Variants in SLC10A7 observed in about 807,000 individuals in gnomAD.
SLC10A7 encodes solute carrier family 10 member 7, also known as sodium/bile acid cotransporter 7.
In SLC10A7, 29 loss-of-function variants were observed where a neutral mutation model predicts 43.2. The observed-to-expected ratio is 0.67, with a 90% confidence interval of 0.50 to 0.92. SLC10A7 has a LOEUF of 0.92. SLC10A7 is among the 40% of genes least tolerant of loss of function. The probability of loss-of-function intolerance (pLI) is 0.00; values close to 1 mark genes in which losing one functional copy is unlikely to be tolerated. For missense variants in SLC10A7, 295 were observed against 403.2 expected (o/e 0.73, Z 2.30); for synonymous variants, 152 against 144.8 (o/e 1.05, Z -0.35).
At chr4:146,488,429 T>A (rs1457487370) in intron 4 of SLC10A7, among the ~76,000 whole-genome samples, 1 of 152,176 alleles carries the variant, frequency 6.6e-6, no homozygotes, top group African/African-American at 2.4e-5. Flanking sequence ...TCTTCTAATG[T>A]GCAAATCATT....
intron 2 of SLC10A7, among the ~76,000 whole-genome samples, chr4:146,512,084 C>T (rs2150048546): frequency 6.6e-6 from 1 of 150,388 alleles, no homozygotes; most frequent in East Asian, 2.0e-4. Context: ...AGCGATTCTC[C>T]TGCCTCCACC....
chr4:146,468,849 C>T (rs1474329025), intron 4 of SLC10A7, among the ~76,000 whole-genome samples: 2 of 151,900 alleles, frequency 1.3e-5, no homozygotes, highest in Non-Finnish European at 2.9e-5. Context: ...GGGGGTACTT[C>T]TTTGTTAATA....
intron 5 of SLC10A7, among the ~76,000 whole-genome samples, chr4:146,393,811 T>C (rs1273535640): frequency 1.3e-5 from 2 of 151,928 alleles, no homozygotes; most frequent in African/African-American, 2.4e-5. Context: ...ATATAAAATG[T>C]ATGAAACTAG....
chr4:146,521,153 G>T (rs1431385449), intron 1 of SLC10A7, among the ~76,000 whole-genome samples: 1 of 151,882 alleles, frequency 6.6e-6, no homozygotes, highest in Non-Finnish European at 1.5e-5. Context: ...TCCAACATGT[G>T]GGCCATAAAA....
At chr4:146,452,382 T>C (rs879878974) in intron 4 of SLC10A7, among the ~76,000 whole-genome samples, 1 of 152,076 alleles carries the variant, frequency 6.6e-6, no homozygotes, top group Non-Finnish European at 1.5e-5. Flanking sequence ...TAAGCATAGA[T>C]TCAGTTTTAA....
intron 5 of SLC10A7, among the ~76,000 whole-genome samples, chr4:146,375,089 C>G (rs1209074956): frequency 6.6e-6 from 1 of 152,106 alleles, no homozygotes. Context: ...GCCTGTAATC[C>G]TAGCTACTCA....
chr4:146,421,607 G>T, intron 5 of SLC10A7, among the ~76,000 whole-genome samples: 1 of 151,962 alleles, frequency 6.6e-6, no homozygotes, highest in Admixed American at 6.6e-5. Flanking sequence ...ACCAAGAATG[G>T]GCTTACTCCA....
intron 6 of SLC10A7, among the ~76,000 whole-genome samples, chr4:146,324,009 A>G (rs1732926017): frequency 6.6e-6 from 1 of 152,196 alleles, no homozygotes; most frequent in African/African-American, 2.4e-5. Context: ...AAAATTCAAA[A>G]GCATTCTTAT....
chr4:146,507,336 C>T (rs559210487), intron 3 of SLC10A7, among the ~76,000 whole-genome samples: 182 of 152,136 alleles, frequency 1.2e-3, no homozygotes, highest in Non-Finnish European at 2.1e-3. Flanking sequence ...CTGAGGTGGG[C>T]GGATCACGAG....
chr4:146,414,923 T>C (rs745557143), intron 5 of SLC10A7, among the ~76,000 whole-genome samples: 1 of 152,008 alleles, frequency 6.6e-6, no homozygotes, highest in Admixed American at 6.6e-5. Flanking sequence ...TCACTCCTAA[T>C]GAAAATAGGA....
intron 5 of SLC10A7, among the ~76,000 whole-genome samples, chr4:146,385,102 C>T (rs1034878666): frequency 2.6e-5 from 4 of 151,904 alleles, no homozygotes; most frequent in Non-Finnish European, 5.9e-5. Flanking sequence ...TTTTCTCTTC[C>T]CCTCAAATAC....
chr4:146,517,961 A>G (rs1738173890), intron 1 of SLC10A7, among the ~76,000 whole-genome samples: 1 of 152,224 alleles, frequency 6.6e-6, no homozygotes, highest in African/African-American at 2.4e-5. Context: ...GTACTTAATA[A>G]TATATTGCTA....
At chr4:146,519,107 ATAT>A (rs1560991794) in intron 1 of SLC10A7, among the ~76,000 whole-genome samples, 434 of 30,396 alleles carry the variant, frequency 0.014, 20 homozygotes, top group Non-Finnish European at 0.018. Context: ...ATATATATAT[ATAT>A]ATAATATAAT....
chr4:146,324,157 C>T (rs965094349), intron 6 of SLC10A7, among the ~76,000 whole-genome samples: 6 of 152,134 alleles, frequency 3.9e-5, no homozygotes, highest in African/African-American at 1.4e-4. Context: ...CAAACCACTG[C>T]TCAACGAAAT....
At chr4:146,511,680 T>A (rs1188782775) in intron 2 of SLC10A7, among the ~76,000 whole-genome samples, 3 of 152,060 alleles carry the variant, frequency 2.0e-5, no homozygotes, top group Non-Finnish European at 2.9e-5. Flanking sequence ...TGAGTATAAT[T>A]TAGGACCACT....
intron 4 of SLC10A7, among the ~76,000 whole-genome samples, chr4:146,474,498 G>A (rs765712661): frequency 1.3e-5 from 2 of 151,918 alleles, no homozygotes; most frequent in Admixed American, 6.6e-5. Context: ...TCCTTAAAGA[G>A]GTACATTTCC....
chr4:146,299,017 T>C (rs916804107), intron 7 of SLC10A7, among the ~76,000 whole-genome samples: 1 of 152,152 alleles, frequency 6.6e-6, no homozygotes, highest in African/African-American at 2.4e-5. Flanking sequence ...CTCAGAAATA[T>C]AAATCACAAG....
intron 5 of SLC10A7, among the ~76,000 whole-genome samples, chr4:146,429,207 A>G (rs904435871): frequency 1.3e-5 from 2 of 152,180 alleles, no homozygotes; most frequent in African/African-American, 4.8e-5. Context: ...GTAAAGAAAA[A>G]TTTGGTAGAC....
chr4:146,517,341 T>C (rs1280552152), intron 1 of SLC10A7, among the ~76,000 whole-genome samples: 1 of 151,912 alleles, frequency 6.6e-6, no homozygotes, highest in Non-Finnish European at 1.5e-5. Context: ...TGCATGCCTG[T>C]AGTTCCCAGC....
Sources: allele counts gnomAD v4.1 joint callset (sites outside exome capture counted in the v4.1 genomes callset), GRCh38; gene constraint gnomAD v4.1.1; transcripts MANE v1.5; gene names NCBI Gene and HGNC (gene_info 2026-07-23, HGNC 2026-07-21).